Variants in VPS35L observed in about 807,000 individuals in gnomAD.
The protein encoded by VPS35L is VPS35 endosomal protein-sorting factor-like.
VPS35L carries 83 observed loss-of-function variants against 133.0 expected under a neutral mutation model. That is an observed-to-expected ratio of 0.62 (90% confidence interval 0.52 to 0.75). The LOEUF is 0.75. VPS35L is among the 30% of genes least tolerant of loss of function. VPS35L has a pLI of 0.00. For synonymous variants in VPS35L, 423 were observed against 449.9 expected, an observed-to-expected ratio of 0.94 and a Z score of 0.76; for missense variants, 1,083 against 1,206.8, an observed-to-expected ratio of 0.90 and a Z score of 1.52.
At chr16:19,606,859 A>C (rs1176744017) in intron 9 of VPS35L, among the ~76,000 whole-genome samples, 1 of 152,156 alleles carries the variant, frequency 6.6e-6, no homozygotes, top group African/African-American at 2.4e-5. Flanking sequence ...ATCATAGCTC[A>C]CTGCAGCCTC....
chr16:19,645,283 C>A (rs1597390181), intron 23 of VPS35L, among the ~76,000 whole-genome samples: 1 of 138,086 alleles, frequency 7.2e-6, no homozygotes, highest in South Asian at 2.3e-4. Flanking sequence ...CCTTCCCTGT[C>A]TTTTTTCTTT....
At chr16:19,573,067 T>C in intron 3 of VPS35L, 52 bp from the exon 4 acceptor site, 1 of 1,572,770 alleles carries the variant, frequency 6.4e-7, no homozygotes, top group Non-Finnish European at 8.7e-7. Context: ...ATGTATATAT[T>C]TAAAGATCAA....
chr16:19,614,620 A>G (rs1027204826), intron 12 of VPS35L, among the ~76,000 whole-genome samples: 1 of 152,230 alleles, frequency 6.6e-6, no homozygotes, highest in Admixed American at 6.5e-5. Context: ...CATGTTGACC[A>G]GGCTGGTCTC....
chr16:19,565,323 A>G (rs917494185), intron 2 of VPS35L, among the ~76,000 whole-genome samples: 2 of 150,074 alleles, frequency 1.3e-5, no homozygotes, highest in Admixed American at 1.3e-4. Context: ...CACAAAGATT[A>G]TGGGTGTGGG....
intron 14 of VPS35L, chr16:19,617,043 C>T (rs1469034895): frequency 1.7e-5 from 11 of 649,330 alleles, no homozygotes; most frequent in Non-Finnish European, 3.0e-5. Context: ...GGCCATGTAC[C>T]TAAGTGAGGC....
At chr16:19,615,953 C>G (rs146182657) in intron 12 of VPS35L, among the ~76,000 whole-genome samples, 161 bp from the exon 13 acceptor site, 2,451 of 138,680 alleles carry the variant, frequency 0.018, 69 homozygotes, top group African/African-American at 0.071. Context: ...GGCAACAGAG[C>G]GAGACTCCAT....
chr16:19,671,711 C>T lies in VPS35L; in HGVS notation c.2361+2412C>T, dbSNP rs997983386. The stretch of plus-strand genomic sequence containing the variant: ...AGAATCGCTTGAACCTGGGAGGTAG[C>T]GGTTGTAGTGAGCCAAGATTGTGCC... On this transcript the variant is annotated intron_variant, in intron 27 of 30. Coordinates refer to ENST00000417362, the MANE Select transcript of VPS35L (RefSeq NM_020314.7). Among the ~76,000 whole-genome samples the T allele has an allele frequency of 1.3e-4, 20 of 150,682 alleles. No individual in the cohort carries two copies. In the East Asian group the frequency reaches 1.8e-3, roughly 13 times the overall value.
rs1973886768 is a variant in VPS35L at position 19,644,801 on chromosome 16, A to G, written c.1866-85A>G. 1.8e-5 allele frequency: 17 copies of G among 948,142 alleles called. No individual in the cohort carries two copies. The South Asian group carries it at 3.2e-4, about 18-fold the overall frequency. 58.7% of individuals were successfully genotyped at this position (948,142 alleles called of 1,614,324 possible). A position where few individuals can be genotyped will look rare whatever the true frequency, so the allele number is the denominator to read the frequency against. Reference sequence around the variant, plus strand: ...AAAATGCAAAATGTTCTTACCTGTTAAATTACTTACCCCTTGTGTATTTTT... The same window carrying G: ...AAAATGCAAAATGTTCTTACCTGTTGAATTACTTACCCCTTGTGTATTTTT... On this transcript the variant is annotated intron_variant, in intron 22 of 30. Transcript: ENST00000417362.
At chr16:19,609,400 T>C (rs538735298) in intron 11 of VPS35L, among the ~76,000 whole-genome samples, 4 of 152,254 alleles carry the variant, frequency 2.6e-5, no homozygotes, top group African/African-American at 9.6e-5. Flanking sequence ...GAGGGGGTCC[T>C]TTGGGTCACA....
intron 26 of VPS35L, among the ~76,000 whole-genome samples, chr16:19,666,963 TC>T (rs1974706965): frequency 1.6e-5 from 2 of 126,794 alleles, no homozygotes; most frequent in African/African-American, 6.3e-5. Flanking sequence ...TTTCTTCCTT[TC>T]TTCCTTTCTT....
At chr16:19,635,626 C>A (rs1485285779) in intron 19 of VPS35L, among the ~76,000 whole-genome samples, 1 of 152,120 alleles carries the variant, frequency 6.6e-6, no homozygotes, top group Non-Finnish European at 1.5e-5. Flanking sequence ...TCAGTGTTAA[C>A]TTTCCCAATT....
intron 7 of VPS35L, among the ~76,000 whole-genome samples, chr16:19,591,359 G>T (rs959613351): frequency 6.6e-6 from 1 of 152,190 alleles, no homozygotes; most frequent in African/African-American, 2.4e-5. Context: ...TCCTGGTTCA[G>T]TATACAAGCA....
chr16:19,567,649 C>T (rs774129782), intron 2 of VPS35L, among the ~76,000 whole-genome samples: 4 of 152,020 alleles, frequency 2.6e-5, no homozygotes, highest in Admixed American at 1.3e-4. Context: ...GCATCTGACT[C>T]GACAGGTTTG....
At chr16:19,623,814 ATTG>A (rs200514087) in intron 14 of VPS35L, among the ~76,000 whole-genome samples, 12,865 of 56,724 alleles carry the variant, frequency 0.23, 1,230 homozygotes, top group African/African-American at 0.47. Context: ...TATTATTATT[ATTG>A]TTTTAAGACA....
At chr16:19,576,444 GTC>G (rs1971541035) in intron 5 of VPS35L, among the ~76,000 whole-genome samples, 1 of 152,200 alleles carries the variant, frequency 6.6e-6, no homozygotes, top group Non-Finnish European at 1.5e-5. Context: ...GGACCAGGGT[GTC>G]TCAAACTGCC....
intron 28 of VPS35L, among the ~76,000 whole-genome samples, chr16:19,683,278 C>G (rs1975350203): frequency 6.6e-6 from 1 of 152,138 alleles, no homozygotes; most frequent in Non-Finnish European, 1.5e-5. Context: ...GAACATCAGA[C>G]CAGTCTGGAG....
intron 3 of VPS35L, among the ~76,000 whole-genome samples, chr16:19,571,442 C>T (rs1380753755): frequency 6.6e-6 from 1 of 152,112 alleles, no homozygotes; most frequent in Non-Finnish European, 1.5e-5. Flanking sequence ...GTCTCAAACT[C>T]CTGGGCACAA....
At chr16:19,674,996 G>A (rs1270853294) in intron 27 of VPS35L, among the ~76,000 whole-genome samples, 3 of 149,570 alleles carry the variant, frequency 2.0e-5, no homozygotes, top group African/African-American at 7.4e-5. Flanking sequence ...TGTTATCCCG[G>A]CTGGAGTGCA....
intron 1 of VPS35L, among the ~76,000 whole-genome samples, chr16:19,561,961 G>C (rs1217352572): frequency 6.6e-6 from 1 of 151,962 alleles, no homozygotes; most frequent in African/African-American, 2.4e-5. Flanking sequence ...ACAAAAATTA[G>C]CCGGGCGTGG....
Sources: allele counts gnomAD v4.1 joint callset (sites outside exome capture counted in the v4.1 genomes callset), GRCh38; gene constraint gnomAD v4.1.1; transcripts MANE v1.5; gene names NCBI Gene and HGNC (gene_info 2026-07-23, HGNC 2026-07-21).